Variants in TALDO1 observed in about 807,000 individuals in gnomAD.
TALDO1 encodes transaldolase.
A neutral mutation model predicts 38.1 loss-of-function variants in TALDO1; 29 were observed. The ratio of observed to expected loss-of-function variants is 0.76; its 90% CI spans 0.57 to 1.04. The LOEUF (loss-of-function observed/expected upper bound fraction) is 1.04, where lower values mean the gene tolerates loss of function less well. Among genes scored for constraint, TALDO1 ranks in the 50% least tolerant of loss-of-function variants. The pLI, the probability that TALDO1 is intolerant of heterozygous loss-of-function variation, is 0.00. For missense variants in TALDO1, 499 were observed against 438.1 expected (o/e 1.14, Z -1.24); for synonymous variants, 207 against 176.8 (o/e 1.17, Z -1.36).
At chr11:747,674 G>T (rs1340945047) in intron 1 of TALDO1, 96 bp downstream of exon 1, 13 of 1,124,992 alleles carry the variant, frequency 1.2e-5, no homozygotes, top group African/African-American at 1.6e-5. Context: ...ACGCGGACCG[G>T]GTGGCGGTGC....
At chr11:764,133 G>A in intron 6 of TALDO1, 155 bp from the exon 7 acceptor site, 1 of 1,448,850 alleles carries the variant, frequency 6.9e-7, no homozygotes, top group East Asian at 2.3e-5. Flanking sequence ...CCAAGGCTCT[G>A]TGGGCTGAAC....
At chr11:747,715 G>A (rs1456421808) in intron 1 of TALDO1, 137 bp downstream of exon 1, 6 of 741,218 alleles carry the variant, frequency 8.1e-6, no homozygotes, top group East Asian at 6.2e-5. Context: ...AGGAATGAGC[G>A]CAGGTGCCGG....
chr11:749,787 G>GT (rs1564989397), intron 1 of TALDO1, among the ~76,000 whole-genome samples: 1 of 152,232 alleles, frequency 6.6e-6, no homozygotes. Flanking sequence ...GAAATGGGCT[G>GT]TTTTCAGTGC....
chr11:763,038 C>T (rs1862966068), intron 4 of TALDO1, among the ~76,000 whole-genome samples: 2 of 152,178 alleles, frequency 1.3e-5, no homozygotes, highest in South Asian at 2.1e-4. Context: ...AAATCCTGGT[C>T]ACCCATAACC....
At chr11:748,096 T>C (rs1036393661) in intron 1 of TALDO1, among the ~76,000 whole-genome samples, 4 of 152,224 alleles carry the variant, frequency 2.6e-5, no homozygotes, top group Admixed American at 2.6e-4. Context: ...TCAGGAGAGA[T>C]TCAGGGTAGA....
chr11:762,810 G>C (rs1487655140), intron 4 of TALDO1, among the ~76,000 whole-genome samples: 2 of 152,264 alleles, frequency 1.3e-5, no homozygotes, highest in African/African-American at 4.8e-5. Flanking sequence ...GCTCCTCTCA[G>C]CAGAAACCAG....
intron 1 of TALDO1, among the ~76,000 whole-genome samples, chr11:753,072 T>C (rs1043061530): frequency 6.6e-6 from 1 of 152,088 alleles, no homozygotes; most frequent in Non-Finnish European, 1.5e-5. Context: ...ATTATTCTGG[T>C]ATGAGAGCAG....
At chr11:763,587 C>G in intron 5 of TALDO1, 68 bp downstream of exon 5, 1 of 1,598,240 alleles carries the variant, frequency 6.3e-7, no homozygotes, top group Non-Finnish European at 8.6e-7. Context: ...AGGAAGAGCC[C>G]GAGACGGAGC....
At chr11:754,051 C>T (rs1322502339) in intron 1 of TALDO1, among the ~76,000 whole-genome samples, 1 of 152,002 alleles carries the variant, frequency 6.6e-6, no homozygotes, top group African/African-American at 2.4e-5. Context: ...GTGGCACAAT[C>T]TCGGCTCACT....
intron 1 of TALDO1, among the ~76,000 whole-genome samples, chr11:755,438 C>G (rs2133573074): frequency 1.3e-5 from 2 of 152,268 alleles, no homozygotes; most frequent in South Asian, 4.1e-4. Flanking sequence ...GCCGCCGCGC[C>G]CAGCTCCCCT....
At chr11:754,731 C>G (rs1014292433) in intron 1 of TALDO1, among the ~76,000 whole-genome samples, 3 of 152,166 alleles carry the variant, frequency 2.0e-5, no homozygotes, top group Non-Finnish European at 4.4e-5. Flanking sequence ...CTCAGCCTCC[C>G]AAAATGCTGG....
chr11:750,767 A>G (rs1357390191), intron 1 of TALDO1, among the ~76,000 whole-genome samples: 4 of 150,700 alleles, frequency 2.7e-5, no homozygotes, highest in East Asian at 2.0e-4. Flanking sequence ...GGAGCTTGCA[A>G]TGAGCCGAGA....
chr11:747,543 T>C lies in TALDO1; in HGVS notation c.62T>C (p.Phe21Ser). ...TCCGCGCTGGACCAGCTCAAGCAGTTCACCACCGTGGTGGCCGACACGGGC... is the reference window on the plus strand; with the variant it reads ...TCCGCGCTGGACCAGCTCAAGCAGTCCACCACCGTGGTGGCCGACACGGGC... ...MESALDQLKQ[F>S]TTVVADTGDF... The change falls in exon 1 of 8, where the codon TTC becomes TCC. Residue 21 changes from phenylalanine to serine, a missense_variant. Transcript: ENST00000319006. The C allele has an allele frequency of 6.3e-7, 1 of 1,597,020 alleles. No homozygotes were observed. Among genetic ancestry groups the C allele is most frequent in the South Asian group, 1.1e-5 (1 of 88,464 alleles).
chr11:757,562 G>C (rs1862859601), intron 2 of TALDO1, among the ~76,000 whole-genome samples: 1 of 152,126 alleles, frequency 6.6e-6, no homozygotes, highest in South Asian at 2.1e-4. Flanking sequence ...CCAGGGTGCT[G>C]TGATTACAGG....
chr11:752,844 G>A (rs992047870), intron 1 of TALDO1, among the ~76,000 whole-genome samples: 2 of 152,208 alleles, frequency 1.3e-5, no homozygotes, highest in African/African-American at 4.8e-5. Flanking sequence ...TGAAGCCAGT[G>A]GATCAGAAGT....
At chr11:758,927 C>CT (rs34225557) in intron 2 of TALDO1, 23 bp from the exon 3 acceptor site, 11 of 1,600,354 alleles carry the variant, frequency 6.9e-6, no homozygotes, top group African/African-American at 5.4e-5. Flanking sequence ...TTCTAACCTG[C>CT]TTTTTTTCCC....
intron 4 of TALDO1, 46 bp from the exon 5 acceptor site, chr11:763,298 G>GCCCCGCCC: frequency 2.2e-6 from 1 of 460,064 alleles, no homozygotes; most frequent in African/African-American, 4.7e-5. Context: ...GCCCTCACCT[G>GCCCCGCCC]TCCCCGCCCT....
intron 5 of TALDO1, 30 bp from the exon 6 acceptor site, chr11:763,717 C>T: frequency 6.2e-7 from 1 of 1,612,930 alleles, no homozygotes; most frequent in Non-Finnish European, 8.5e-7. Context: ...CTGCCGAAGC[C>T]TTCCTGGTCA....
chr11:759,180 G>A (rs1862891662), intron 3 of TALDO1, 123 bp downstream of exon 3: 3 of 813,696 alleles, frequency 3.7e-6, no homozygotes, highest in Non-Finnish European at 4.2e-6. Context: ...CCCAAGAGGA[G>A]GTTTATTTTG....
Sources: allele counts gnomAD v4.1 joint callset (sites outside exome capture counted in the v4.1 genomes callset), GRCh38; gene constraint gnomAD v4.1.1; transcripts MANE v1.5; gene names NCBI Gene and HGNC (gene_info 2026-07-23, HGNC 2026-07-21).